The following ZNF208 variants were observed in gnomAD, a reference collection of about 807,000 sequenced individuals.
The protein encoded by ZNF208 is zinc finger protein 208.
A neutral mutation model predicts 12.1 loss-of-function variants in ZNF208; 10 were observed. The observed-to-expected ratio is 0.83, with a 90% confidence interval of 0.51 to 1.40. The LOEUF (loss-of-function observed/expected upper bound fraction) is 1.40. Ranked by LOEUF, ZNF208 falls within the 40% of genes most tolerant of loss-of-function variation. ZNF208 has a pLI of 0.00. For missense variants in ZNF208, 1,652 were observed against 1,485.0 expected (o/e 1.11, Z -1.85); for synonymous variants, 497 against 488.4 (o/e 1.02, Z -0.23).
chr19:21,950,163 G>C (rs1482456018), intron 4 of ZNF208, among the ~76,000 whole-genome samples: 1 of 152,120 alleles, frequency 6.6e-6, no homozygotes, highest in African/African-American at 2.4e-5. Flanking sequence ...GAATATCCAA[G>C]CTATAAGTAT....
chr19:21,954,697 C>T (rs557562624), intron 4 of ZNF208, among the ~76,000 whole-genome samples: 1 of 152,264 alleles, frequency 6.6e-6, no homozygotes, highest in East Asian at 1.9e-4. Context: ...GTAGATTTTC[C>T]TCCATCCCTT....
rs1032751712 is a variant in ZNF208 at position 21,974,289 on chromosome 19, C to T, written c.745G>A (p.Val249Ile). 7.4e-6 allele frequency: 12 copies of T among 1,612,864 alleles called. No homozygotes were observed. In the Admixed American group the frequency reaches 8.4e-5, roughly 11 times the overall value. ...SKFSILTKHK[V>I]IHTGEKSYKC... ...TAGGATTTCTCTCCAGTATGAATTA[C>T]CTTATGTTTAGTAAGGATTGAGAAC... Residue 249 changes from valine (V) to isoleucine (I), a missense_variant, in exon 4 of 4, where the codon GTA becomes ATA. Transcript: ENST00000397126.
chr19:21,989,043 T>A, intron 1 of ZNF208, 134 bp from the exon 2 acceptor site: 1 of 1,214,824 alleles, frequency 8.2e-7, no homozygotes, highest in South Asian at 1.6e-5. Context: ...AATAAAATAA[T>A]TTTTAACACA....
chr19:22,010,754 G>T, intron 1 of ZNF208, 38 bp downstream of exon 1: 1 of 1,614,122 alleles, frequency 6.2e-7, no homozygotes, highest in Non-Finnish European at 8.5e-7. Context: ...CAAGCAGCCC[G>T]GGCCACTCTC....
rs1970256533 is a variant in ZNF208 at position 21,970,381 on chromosome 19, A to C, written c.*810T>G. On this transcript the variant is annotated 3_prime_UTR_variant, in exon 4 of 4. Coordinates refer to ENST00000397126, the MANE Select transcript of ZNF208 (RefSeq NM_007153.3). The stretch of plus-strand genomic sequence containing the variant: ...AATTCCCTCCAGTATGAATTACATG[A>C]ATGTTTAGTAAGGATTGAGGAATAG... 6.6e-6 allele frequency among the ~76,000 whole-genome samples: 1 copy of C among 152,152 alleles called. No homozygotes were observed. Among genetic ancestry groups the C allele is most frequent in the East Asian group, 1.9e-4 (1 of 5,192 alleles).
intron 2 of ZNF208, 112 bp from the exon 3 acceptor site, chr19:21,987,423 A>C: frequency 9.1e-7 from 1 of 1,098,728 alleles, no homozygotes; most frequent in Non-Finnish European, 1.2e-6. Flanking sequence ...ATTTATCCCA[A>C]AATACTAAAT....
rs544941699 is a variant in ZNF208 at position 21,986,597 on chromosome 19, ACTCT to A, written c.226+615_226+618del. 4.1e-3 allele frequency: 637 copies of A among 154,362 alleles called. 1 individual carries two copies. Among genetic ancestry groups the A allele is most frequent in the Non-Finnish European group, 6.1e-3 (427 of 69,552 alleles). The allele number at this position is 154,362 out of a possible 1,614,324, so 9.6% of individuals were successfully genotyped here. ...CCAAAGTGATCTCTAGATTCAATAA[ACTCT>A]CTATCAATATTCCAGTGTTTTTTTC... is the stretch of plus-strand genomic sequence containing the variant. On this transcript the variant is annotated intron_variant, in intron 3 of 3. Transcript: ENST00000397126.
Position 21,988,721 on chromosome 19 carries a change from G to T in ZNF208, c.130+62C>A, listed in dbSNP as rs576992005. 8.7e-6 allele frequency: 14 copies of T among 1,610,950 alleles called. No homozygotes were observed. The South Asian group carries it at 1.5e-4, about 18-fold the overall frequency. On this transcript the variant is annotated intron_variant, in intron 2 of 3. Transcript: ENST00000397126. Reference sequence around the variant, plus strand: ...CATCCTCCGTTGTTCAGTCCAATAAGGTCTGCAGCAAAATGAAACCTGTAG... The same window carrying T: ...CATCCTCCGTTGTTCAGTCCAATAATGTCTGCAGCAAAATGAAACCTGTAG...
chr19:21,945,847 G>T lies in ZNF208; in HGVS notation c.306-12610C>A, dbSNP rs1489507366. Among the ~76,000 whole-genome samples the T allele has an allele frequency of 3.3e-5, 5 of 152,040 alleles. No homozygotes were observed. The South Asian group carries it at 1.0e-3, about 31-fold the overall frequency. On this transcript the variant is annotated intron_variant, in intron 4 of 4. Coordinates refer to the ZNF208 transcript ENST00000599916. The stretch of plus-strand genomic sequence containing the variant: ...GGTAGATAGCAAGGCAAGGGTTTAT[G>T]GAGAGCCCCCAACCCCCAGGTTAGT...
chr19:22,010,187 AAAAT>A (rs1015330324), intron 1 of ZNF208, among the ~76,000 whole-genome samples: 2 of 152,132 alleles, frequency 1.3e-5, no homozygotes, highest in Non-Finnish European at 2.9e-5. Flanking sequence ...CTCCGTCTCA[AAAAT>A]AAATAAATAA....
chr19:21,954,365 G>A (rs1215507477), intron 4 of ZNF208, among the ~76,000 whole-genome samples: 3 of 152,112 alleles, frequency 2.0e-5, no homozygotes, highest in South Asian at 4.1e-4. Flanking sequence ...TGTTGCAGAG[G>A]TGAGTTCAAT....
At chr19:21,962,721 C>T (rs1233171153), downstream of ZNF208, among the ~76,000 whole-genome samples, 2 of 152,050 alleles carry the variant, frequency 1.3e-5, no homozygotes, top group South Asian at 2.1e-4. Context: ...ATAAACAACA[C>T]TCGGAAACAA....
rs903502283 is a variant in ZNF208 at position 21,970,241 on chromosome 19, G to C, written c.*950C>G. Among the ~76,000 whole-genome samples the C allele has an allele frequency of 2.6e-5, 4 of 152,166 alleles. No individual in the cohort carries two copies. Among genetic ancestry groups the C allele is most frequent in the Admixed American group, 1.3e-4 (2 of 15,266 alleles). ...TCTCTTAAGAATTGAGGATCTATTA[G>C]AGGCTTTCCCACATTCTTCACACAT... On this transcript the variant is annotated 3_prime_UTR_variant, in exon 4 of 4. Coordinates refer to ENST00000397126, the MANE Select transcript of ZNF208 (RefSeq NM_007153.3).
rs1970301637 is a variant in ZNF208 at position 21,972,127 on chromosome 19, T to C, written c.2907A>G (p.Glu969=). ...TLSYHKKIHT[E]EKPYKYEECG... Reference sequence around the variant, plus strand: ...ATTCTTCATATTTGTAAGGTTTCTCTTCAGTATGAATTTTCTTATGATAAC... The same window carrying C: ...ATTCTTCATATTTGTAAGGTTTCTCCTCAGTATGAATTTTCTTATGATAAC... Residue 969 remains glutamate, a synonymous_variant, in exon 4 of 4, where the codon GAA becomes GAG. Transcript: ENST00000397126. 6.2e-7 allele frequency: 1 copy of C among 1,609,950 alleles called. No homozygotes were observed. Among genetic ancestry groups the C allele is most frequent in the Non-Finnish European group, 8.5e-7 (1 of 1,177,494 alleles).
chr19:21,982,175 G>A (rs1174799482), intron 3 of ZNF208, among the ~76,000 whole-genome samples: 1 of 151,910 alleles, frequency 6.6e-6, no homozygotes, highest in East Asian at 1.9e-4. Context: ...GGCTAACACT[G>A]TGAAACCCCA....
rs1372519619 is a variant in ZNF208, at chr19:21,957,822, ATTTT to A, written c.305+16903_305+16906del. 2.8e-3 allele frequency among the ~76,000 whole-genome samples: 431 copies of A among 151,580 alleles called. 3 individuals carry two copies. The highest frequency in any genetic ancestry group is 9.5e-3 in the African/African-American group (392 of 41,348). On this transcript the variant is annotated intron_variant, in intron 4 of 4. Transcript: ENST00000599916. ...TCTATTGTGAGTAGCTTTTTTTTAA[ATTTT>A]ATTTTATTTTATTTTATTATTATTA...
In ZNF208 at chr19:21,974,030, TGAA is replaced by T; in HGVS notation, c.1001_1003del (p.Ile334_His335delinsAsn). The T allele has an allele frequency of 5.1e-6, 7 of 1,368,384 alleles. No individual in the cohort carries two copies. The highest frequency in any genetic ancestry group is 4.7e-5 in the South Asian group (3 of 63,304). 84.8% of individuals were successfully genotyped at this position (1,368,384 alleles called of 1,614,324 possible). A position where few individuals can be genotyped will look rare whatever the true frequency, so the allele number is the denominator to read the frequency against. Reference sequence around the variant, plus strand: ...ACATTTGTAGGGCTTCTCTCCAGCATGAATTGCCTTATGTGTAATAAGGGTTGA... The same window carrying T: ...ACATTTGTAGGGCTTCTCTCCAGCATTTGCCTTATGTGTAATAAGGGTTGA... On this transcript the variant is annotated inframe_deletion, in exon 4 of 4. Transcript: ENST00000397126.
chr19:22,005,619 C>T (rs1971030071), intron 1 of ZNF208, among the ~76,000 whole-genome samples: 1 of 152,166 alleles, frequency 6.6e-6, no homozygotes, highest in Non-Finnish European at 1.5e-5. Flanking sequence ...ATGCCAGTCA[C>T]AAACCCCATG....
chr19:21,993,336 T>G (rs1303343916), intron 1 of ZNF208, among the ~76,000 whole-genome samples: 1 of 151,944 alleles, frequency 6.6e-6, no homozygotes, highest in Non-Finnish European at 1.5e-5. Context: ...TTAACTCTCA[T>G]GAATGTATTT....
Sources: allele counts gnomAD v4.1 joint callset (sites outside exome capture counted in the v4.1 genomes callset), GRCh38; gene constraint gnomAD v4.1.1; transcripts MANE v1.5; gene names NCBI Gene and HGNC (gene_info 2026-07-23, HGNC 2026-07-21).